Variants in PDXDC1 observed in about 807,000 individuals in gnomAD.
The protein encoded by PDXDC1 is pyridoxal-dependent decarboxylase domain-containing protein 1.
Under a neutral mutation model 100.1 loss-of-function variants are expected in PDXDC1, and 42 were observed. That is an observed-to-expected ratio of 0.42 (90% CI 0.33 to 0.54). The LOEUF (loss-of-function observed/expected upper bound fraction) is 0.54. PDXDC1 is among the 20% of genes least tolerant of loss of function. The pLI is 0.10. For missense variants in PDXDC1, 636 were observed against 979.2 expected (o/e 0.65, Z 4.68); for synonymous variants, 260 against 371.7 (o/e 0.70, Z 3.46).
At chr16:15,101,401 C>G (rs1362083077) in intron 16 of PDXDC1, among the ~76,000 whole-genome samples, 2 of 152,202 alleles carry the variant, frequency 1.3e-5, no homozygotes, top group African/African-American at 4.8e-5. Context: ...ACTGCAAACT[C>G]TGCCTCCAAG....
chr16:15,104,698 T>C (rs1235314068), intron 16 of PDXDC1: 3 of 1,597,332 alleles, frequency 1.9e-6, no homozygotes, highest in African/African-American at 1.3e-5. Flanking sequence ...GTTTCAGCTG[T>C]GAGGTAGGGC....
rs2044851108 is a variant in PDXDC1, at chr16:15,064,176, TTTTTG to T, written c.1399+34130_1399+34134del. On this transcript the variant is annotated intron_variant, in intron 16 of 16. Transcript: ENST00000535621. The stretch of plus-strand genomic sequence containing the variant: ...TCTAGATAAATCGCTTTTTGTTTTT[TTTTTG>T]TTTTGTTTTTCTGAGACAGAGTCTC... 2.6e-5 allele frequency among the ~76,000 whole-genome samples: 4 copies of T among 152,102 alleles called. No homozygotes were observed. In the South Asian group the frequency reaches 6.2e-4, roughly 24 times the overall value.
At chr16:15,008,027 T>A (rs1352565043) in intron 6 of PDXDC1, among the ~76,000 whole-genome samples, 1 of 152,288 alleles carries the variant, frequency 6.6e-6, no homozygotes, top group African/African-American at 2.4e-5. Context: ...GATTGGTGGC[T>A]TATAGGGTAG....
At chr16:15,040,400 A>T (rs2043761120), downstream of PDXDC1, 1 of 281,858 alleles carries the variant, frequency 3.5e-6, no homozygotes, top group Non-Finnish European at 6.6e-6. Flanking sequence ...GGCTGGGTGA[A>T]CTGTGATCGT....
chr16:15,146,241 C>T, the PDXDC1 span, among the ~76,000 whole-genome samples: 2 of 152,078 alleles, frequency 1.3e-5, no homozygotes, highest in Non-Finnish European at 2.9e-5. Flanking sequence ...AACAGAAAGC[C>T]GGGAAGGGGG....
At chr16:15,022,916 C>G (rs1200126993) in intron 13 of PDXDC1, among the ~76,000 whole-genome samples, 162 bp downstream of exon 13, 1 of 152,228 alleles carries the variant, frequency 6.6e-6, no homozygotes, top group Non-Finnish European at 1.5e-5. Context: ...AAAACAAAAA[C>G]AAAAAAACCT....
At chr16:15,001,573 G>A (rs1348804046) in intron 3 of PDXDC1, among the ~76,000 whole-genome samples, 1 of 152,274 alleles carries the variant, frequency 6.6e-6, no homozygotes, top group African/African-American at 2.4e-5. Context: ...TTAACCACAA[G>A]TAAATTTATA....
At chr16:14,999,012 G>A (rs1972587048) in intron 3 of PDXDC1, among the ~76,000 whole-genome samples, 1 of 152,278 alleles carries the variant, frequency 6.6e-6, no homozygotes, top group Non-Finnish European at 1.5e-5. Context: ...TTGAGCCCAG[G>A]AGTTCAAGGT....
intron 16 of PDXDC1, chr16:15,085,645 C>T (rs769530774): frequency 4.5e-5 from 73 of 1,613,144 alleles, no homozygotes; most frequent in Non-Finnish European, 5.8e-5. Context: ...TTACTATCAT[C>T]TTCATCATCA....
chr16:15,021,137 G>A (rs1224236640), intron 12 of PDXDC1, among the ~76,000 whole-genome samples: 2 of 152,412 alleles, frequency 1.3e-5, no homozygotes, highest in Middle Eastern at 3.4e-3. Context: ...AGCACTTTGG[G>A]AGGCCAAGGC....
At chr16:14,988,338 A>C in intron 1 of PDXDC1, 4 of 1,614,116 alleles carry the variant, frequency 2.5e-6, no homozygotes, top group Non-Finnish European at 3.4e-6. Context: ...GAGCTTGAAG[A>C]GGAAGAGGTG....
At chr16:15,149,182 C>A in the PDXDC1 span, among the ~76,000 whole-genome samples, 1 of 152,198 alleles carries the variant, frequency 6.6e-6, no homozygotes, top group East Asian at 1.9e-4. Context: ...CACCTTGCCC[C>A]TTGGGGACTC....
the PDXDC1 span, among the ~76,000 whole-genome samples, chr16:15,149,734 C>T: frequency 6.6e-6 from 1 of 152,102 alleles, no homozygotes; most frequent in Non-Finnish European, 1.5e-5. Flanking sequence ...CCAGCATTTG[C>T]GAGACAGCAG....
chr16:15,031,696 A>C, intron 16 of PDXDC1, 39 bp from the exon 17 acceptor site: 1 of 1,573,494 alleles, frequency 6.4e-7, no homozygotes, highest in Non-Finnish European at 8.7e-7. Flanking sequence ...GTCATTGGCC[A>C]TCTCGTGAGC....
intron 16 of PDXDC1, among the ~76,000 whole-genome samples, chr16:15,058,538 C>A (rs2044604788): frequency 6.6e-6 from 1 of 152,032 alleles, no homozygotes; most frequent in Admixed American, 6.6e-5. Context: ...ACCAGCCTGG[C>A]CAACATAGTG....
chr16:15,041,641 C>A, downstream of PDXDC1: 1 of 1,611,854 alleles, frequency 6.2e-7, no homozygotes. Flanking sequence ...CATAATGTCA[C>A]TAAGTGAATG....
At chr16:15,069,709 G>A (rs201391079) in intron 16 of PDXDC1, among the ~76,000 whole-genome samples, 1 of 152,186 alleles carries the variant, frequency 6.6e-6, no homozygotes, top group East Asian at 1.9e-4. Context: ...CATTTACTGG[G>A]CTGTTACAAG....
At position 15,106,423 on chromosome 16, in the gene PDXDC1, T is replaced by C; in HGVS notation, c.1400-32456T>C. 6.7e-6 allele frequency: 4 copies of C among 601,222 alleles called. 1 individual carries two copies. The highest frequency in any genetic ancestry group is 1.2e-5 in the Non-Finnish European group (4 of 341,830). 37.2% of individuals were successfully genotyped at this position (601,222 alleles called of 1,614,324 possible). A position where few individuals can be genotyped will look rare whatever the true frequency, so the allele number is the denominator to read the frequency against. On this transcript the variant is annotated intron_variant, in intron 16 of 16. Coordinates refer to the PDXDC1 transcript ENST00000535621. ...TCCTCACAACTGTACCCTTACACAA[T>C]CTATCTCTACCTAGAAAACGTATTT...
chr16:14,991,599 G>A (rs1186407774), intron 1 of PDXDC1, among the ~76,000 whole-genome samples: 2 of 150,828 alleles, frequency 1.3e-5, no homozygotes, highest in Non-Finnish European at 2.9e-5. Context: ...TCTCACTGTA[G>A]CCTTGACCTC....
Sources: gnomAD v4.1 joint callset for allele counts (sites outside exome capture counted in the v4.1 genomes callset) on GRCh38, gnomAD v4.1.1 for gene constraint, MANE v1.5 for transcripts, NCBI Gene and HGNC (gene_info 2026-07-23, HGNC 2026-07-21) for gene names.